DNAH8: variants seen among roughly 807,000 people sequenced by gnomAD.
The protein encoded by DNAH8 is axonemal beta dynein heavy chain 8.
Under a neutral mutation model 562.1 loss-of-function variants are expected in DNAH8, and 382 were observed. That is an observed-to-expected ratio of 0.68 (90% CI 0.63 to 0.74). The LOEUF (loss-of-function observed/expected upper bound fraction) is 0.74. Among genes scored for constraint, DNAH8 ranks in the 30% least tolerant of loss-of-function variants. The pLI is 0.00. For missense variants in DNAH8, 5,203 were observed against 5,620.4 expected (o/e 0.93, Z 2.37); for synonymous variants, 1,881 against 1,919.4 (o/e 0.98, Z 0.52).
intron 4 of DNAH8, 118 bp from the exon 5 acceptor site, chr6:38,734,356 G>A (rs942902291): frequency 6.0e-5 from 62 of 1,037,444 alleles, no homozygotes; most frequent in Middle Eastern, 3.5e-4. Context: ...TTCTATGACC[G>A]TATTGAAAAC....
chr6:38,857,804 A>G (rs1776322218), intron 42 of DNAH8, 62 bp downstream of exon 42: 1 of 1,062,266 alleles, frequency 9.4e-7, no homozygotes, highest in Non-Finnish European at 1.4e-6. Context: ...AGAATTGTAT[A>G]TGTTGCCTAA....
chr6:38,804,409 A>C (rs1771064927), intron 22 of DNAH8, among the ~76,000 whole-genome samples: 1 of 152,222 alleles, frequency 6.6e-6, no homozygotes, highest in African/African-American at 2.4e-5. Flanking sequence ...TGATTAGGTA[A>C]AACTTTGTAG....
intron 3 of DNAH8, among the ~76,000 whole-genome samples, chr6:38,729,502 A>C (rs150860729): frequency 3.3e-5 from 5 of 152,346 alleles, no homozygotes; most frequent in Non-Finnish European, 2.9e-5. Flanking sequence ...ATAGCTAAAA[A>C]CATAATTGCT....
intron 21 of DNAH8, among the ~76,000 whole-genome samples, chr6:38,796,570 G>A (rs9380777): frequency 0.11 from 17,318 of 152,066 alleles, 1,395 homozygotes; most frequent in East Asian, 0.38. Flanking sequence ...GTTAAAGATC[G>A]ACCCCTGACC....
intron 20 of DNAH8, among the ~76,000 whole-genome samples, chr6:38,791,151 G>A (rs966323013): frequency 1.3e-5 from 2 of 152,162 alleles, no homozygotes; most frequent in East Asian, 3.8e-4. Context: ...ATGGCAGCAT[G>A]GTGTAGTAAA....
chr6:38,744,240 G>C (rs1478510660), intron 8 of DNAH8: 1 of 152,172 alleles, frequency 6.6e-6, no homozygotes, highest in Admixed American at 6.5e-5. Context: ...TCCCAGGAGT[G>C]GGGTGATGAG....
chr6:38,824,208 G>T (rs1773116639), intron 28 of DNAH8, among the ~76,000 whole-genome samples: 1 of 152,178 alleles, frequency 6.6e-6, no homozygotes, highest in South Asian at 2.1e-4. Context: ...GAGCTGTACT[G>T]GTCAGGCACA....
intron 82 of DNAH8, among the ~76,000 whole-genome samples, chr6:38,970,712 C>G (rs1472736315): frequency 2.0e-5 from 3 of 152,190 alleles, no homozygotes; most frequent in Non-Finnish European, 4.4e-5. Context: ...TAAACACACA[C>G]TGGTTCACAA....
At chr6:38,839,479 A>G (rs950477163) in intron 33 of DNAH8, among the ~76,000 whole-genome samples, 1 of 151,132 alleles carries the variant, frequency 6.6e-6, no homozygotes, top group Non-Finnish European at 1.5e-5. Flanking sequence ...TCAGCCTCCC[A>G]GGTAGTGGGG....
intron 4 of DNAH8, 61 bp downstream of exon 4, chr6:38,730,047 A>AT (rs1292127656): frequency 1.2e-5 from 9 of 769,498 alleles, no homozygotes; most frequent in Non-Finnish European, 2.0e-5. Flanking sequence ...AGTGCAGCAT[A>AT]TTTTTTCTCT....
At chr6:38,983,621 A>C (rs1171175774) in intron 86 of DNAH8, among the ~76,000 whole-genome samples, 3 of 152,246 alleles carry the variant, frequency 2.0e-5, no homozygotes, top group Admixed American at 2.0e-4. Context: ...AAATGTATCA[A>C]GGGTTTAAAG....
Position 38,826,351 on chromosome 6 carries a change from A to G in DNAH8, c.4043A>G (p.Asp1348Gly), listed in dbSNP as rs749327704. ...ATGGAAGCCTTGTCTTGCATACGTG[A>G]TAATGAAATTCAAATGGACATGACT... ...FAMEALSCIR[D>G]NEIQMDMTLG... Residue 1348 changes from aspartate (D) to glycine (G), a missense_variant, in exon 29 of 93, where the codon GAT (aspartate) becomes GGT (glycine). By Grantham distance (94) the Asp-to-Gly change is moderately conservative. This residue lies in a region of DNAH8 where 2,176 missense variants were observed against 2,365.1 expected (regional missense o/e 0.92). Coordinates refer to ENST00000327475, the MANE Select transcript of DNAH8 (RefSeq NM_001206927.2). 4 of 1,612,042 alleles carry G rather than the reference A, an allele frequency of 2.5e-6. No homozygotes were observed. Among genetic ancestry groups the G allele is most frequent in the East Asian group, 2.2e-5 (1 of 44,832 alleles).
chr6:38,970,351 A>T (rs973285009), intron 82 of DNAH8, among the ~76,000 whole-genome samples: 8 of 152,048 alleles, frequency 5.3e-5, no homozygotes, highest in Non-Finnish European at 1.2e-4. Context: ...GCTGGGTGGG[A>T]TTCTTTTCAG....
chr6:38,880,798 C>T (rs1437715795), intron 53 of DNAH8, among the ~76,000 whole-genome samples: 1 of 152,154 alleles, frequency 6.6e-6, no homozygotes, highest in East Asian at 1.9e-4. Context: ...GAGGCCAAGG[C>T]GAGTAGATCA....
intron 89 of DNAH8, among the ~76,000 whole-genome samples, chr6:39,010,507 G>T (rs577170336): frequency 6.6e-6 from 1 of 152,122 alleles, no homozygotes; most frequent in Non-Finnish European, 1.5e-5. Context: ...ATTTTCTAGG[G>T]TTTAAGGTTT....
chr6:38,800,393 A>T (rs67808208), intron 21 of DNAH8, among the ~76,000 whole-genome samples: 51,010 of 151,872 alleles, frequency 0.34, 9,198 homozygotes, highest in Admixed American at 0.41. Flanking sequence ...CTCTACATCC[A>T]TGCCAACACT....
At chr6:38,867,962 C>A (rs1777180210) in intron 47 of DNAH8, 100 bp from the exon 48 acceptor site, 1 of 1,215,770 alleles carries the variant, frequency 8.2e-7, no homozygotes, top group Non-Finnish European at 1.1e-6. Context: ...AAAACTATCC[C>A]ATATAAGTAT....
At position 38,870,496 on chromosome 6, in the gene DNAH8, A is replaced by G; in HGVS notation, c.6924A>G (p.Ala2308=). 1 of 1,614,134 alleles carries G rather than the reference A, an allele frequency of 6.2e-7. No individual in the cohort carries two copies. Among genetic ancestry groups the G allele is most frequent in the Non-Finnish European group, 8.5e-7 (1 of 1,179,970 alleles). ...DSNTYAELQN[A]VAHQVQIEGL... ...ATACTTATGCAGAACTGCAAAACGC[A>G]GTAGCCCATCAGGTTCAGATAGAGG... is the stretch of plus-strand genomic sequence containing the variant. Residue 2308 remains alanine, a synonymous_variant, in exon 49 of 93, where the codon GCA becomes GCG. Coordinates refer to ENST00000327475, the MANE Select transcript of DNAH8 (RefSeq NM_001206927.2).
At chr6:38,896,623 G>A (rs1779715042) in intron 60 of DNAH8, among the ~76,000 whole-genome samples, 1 of 151,366 alleles carries the variant, frequency 6.6e-6, no homozygotes, top group Admixed American at 6.6e-5. Flanking sequence ...ACAAAAAAGA[G>A]AGAGAGAGAG....
Sources: gnomAD v4.1 joint callset for allele counts (sites outside exome capture counted in the v4.1 genomes callset) on GRCh38, gnomAD v4.1.1 for gene constraint, gnomAD v4.1.1 regional missense constraint, MANE v1.5 for transcripts, NCBI Gene and HGNC (gene_info 2026-07-23, HGNC 2026-07-21) for gene names.